ADAM7: variants seen among roughly 807,000 people sequenced by gnomAD.
ADAM7 encodes disintegrin and metalloproteinase domain-containing protein 7.
In ADAM7, 97 loss-of-function variants were observed where a neutral mutation model predicts 102.9. The observed-to-expected ratio is 0.94, with a 90% CI of 0.80 to 1.12. ADAM7 has a LOEUF of 1.12. Ranked by LOEUF, ADAM7 falls within the 50% of genes most tolerant of loss-of-function variation. The pLI is 0.00. For synonymous variants in ADAM7, 334 were observed against 304.4 expected (o/e 1.10, Z -1.01); for missense variants, 991 against 908.7 (o/e 1.09, Z -1.16).
rs192885647 is a variant in ADAM7, at chr8:24,508,843, A to C, written c.*297A>C. On this transcript the variant is annotated 3_prime_UTR_variant, in exon 22 of 22. Coordinates refer to ENST00000175238, the MANE Select transcript of ADAM7 (RefSeq NM_003817.4). ...CCTTGCTGTAGTATTTTCCTACAAAATGTTACTCTGCTTTCTTTTAAGAAT... is the reference window on the plus strand; with the variant it reads ...CCTTGCTGTAGTATTTTCCTACAAACTGTTACTCTGCTTTCTTTTAAGAAT... 5.8e-6 allele frequency: 7 copies of C among 1,207,878 alleles called. No individual in the cohort carries two copies. Among genetic ancestry groups the C allele is most frequent in the African/African-American group, 3.1e-5 (2 of 64,092 alleles). 74.8% of individuals were successfully genotyped at this position (1,207,878 alleles called of 1,614,324 possible).
At chr8:24,479,171 C>A (rs999062738) in intron 8 of ADAM7, among the ~76,000 whole-genome samples, 3 of 152,074 alleles carry the variant, frequency 2.0e-5, no homozygotes, top group African/African-American at 7.2e-5. Flanking sequence ...TTCCTCAGTG[C>A]CTTCTAGCCT....
At chr8:24,498,060 A>C (rs1467540508) in intron 16 of ADAM7, among the ~76,000 whole-genome samples, 1 of 152,030 alleles carries the variant, frequency 6.6e-6, no homozygotes, top group African/African-American at 2.4e-5. Flanking sequence ...TGAAAAGAAA[A>C]ATAGTCAAGA....
At chr8:24,501,203 G>T (rs933883910) in intron 19 of ADAM7, among the ~76,000 whole-genome samples, 1 of 152,084 alleles carries the variant, frequency 6.6e-6, no homozygotes. Context: ...TCTTGTAGAT[G>T]ATTTAATTTT....
At chr8:24,477,243 A>G (rs1179892976) in intron 8 of ADAM7, among the ~76,000 whole-genome samples, 1 of 152,194 alleles carries the variant, frequency 6.6e-6, no homozygotes, top group East Asian at 1.9e-4. Flanking sequence ...GGTCATATGG[A>G]AAGTGTATGC....
intron 3 of ADAM7, among the ~76,000 whole-genome samples, chr8:24,458,485 A>T (rs1380142439): frequency 6.6e-6 from 1 of 152,134 alleles, no homozygotes; most frequent in Admixed American, 6.6e-5. Context: ...TAAAAGCAAA[A>T]TGGATTATTT....
At chr8:24,495,143 G>A (rs527673378) in intron 16 of ADAM7, among the ~76,000 whole-genome samples, 2 of 152,246 alleles carry the variant, frequency 1.3e-5, no homozygotes, top group Admixed American at 6.5e-5. Context: ...TTCCATAACA[G>A]GAATGGTTTT....
At chr8:24,452,534 CTA>C (rs1818838746) in intron 3 of ADAM7, among the ~76,000 whole-genome samples, 1 of 151,812 alleles carries the variant, frequency 6.6e-6, no homozygotes, top group South Asian at 2.1e-4. Context: ...TATTTTGAGC[CTA>C]TGTGTGTCTC....
chr8:24,487,763 G>C (rs1041479992), intron 11 of ADAM7, among the ~76,000 whole-genome samples: 1 of 152,086 alleles, frequency 6.6e-6, no homozygotes, highest in Admixed American at 6.6e-5. Context: ...CCATAACTAG[G>C]CGTGGCAGTT....
intron 3 of ADAM7, among the ~76,000 whole-genome samples, chr8:24,458,219 C>A (rs1460744935): frequency 1.3e-5 from 2 of 152,010 alleles, no homozygotes; most frequent in African/African-American, 2.4e-5. Flanking sequence ...ATTAAAAGGC[C>A]CGCTGCAATT....
intron 1 of ADAM7, among the ~76,000 whole-genome samples, chr8:24,441,598 C>G (rs1818374941): frequency 6.6e-6 from 1 of 152,180 alleles, no homozygotes; most frequent in Non-Finnish European, 1.5e-5. Flanking sequence ...CCCATGCCCT[C>G]TCCTTTTTAT....
In ADAM7 at chr8:24,463,922, A is replaced by G; in HGVS notation, c.274A>G (p.Met92Val). 1 of 1,613,852 alleles carries G rather than the reference A, an allele frequency of 6.2e-7. No individual in the cohort carries two copies. The highest frequency in any genetic ancestry group is 8.5e-7 in the Non-Finnish European group (1 of 1,179,850). ...GSNYSETFYSMKGEAFTRHPQ... is the reference protein window; with the variant it reads ...GSNYSETFYSVKGEAFTRHPQ... ...AAATTACAGTGAAACATTCTACTCC[A>G]TGAAAGGAGAAGCGTTCACCAGGCA... Residue 92 changes from methionine to valine, a missense_variant, in exon 4 of 22, where the codon ATG (methionine) becomes GTG (valine). By Grantham distance (21) the Met-to-Val change is conservative. Transcript: ENST00000175238.
intron 3 of ADAM7, among the ~76,000 whole-genome samples, chr8:24,450,364 A>C (rs1818735220): frequency 6.6e-6 from 1 of 152,076 alleles, no homozygotes; most frequent in East Asian, 1.9e-4. Flanking sequence ...GAGGTCCTTC[A>C]CGTCCCTTGT....
chr8:24,462,736 T>C (rs937925142), intron 3 of ADAM7, among the ~76,000 whole-genome samples: 2 of 152,232 alleles, frequency 1.3e-5, no homozygotes, highest in Non-Finnish European at 2.9e-5. Context: ...TAAACATTAG[T>C]TCACCATTTA....
intron 2 of ADAM7, among the ~76,000 whole-genome samples, chr8:24,444,365 G>A (rs112781976): frequency 0.044 from 6,659 of 151,866 alleles, 205 homozygotes; most frequent in African/African-American, 0.059. Flanking sequence ...TCCTCTCCAG[G>A]GGGTGGAACC....
intron 3 of ADAM7, among the ~76,000 whole-genome samples, chr8:24,453,635 C>A (rs572954231): frequency 1.3e-5 from 2 of 152,208 alleles, no homozygotes; most frequent in Admixed American, 6.5e-5. Context: ...TCGTCTGAAG[C>A]CTTCTTCTCT....
Position 24,496,428 on chromosome 8 carries a change from C to A in ADAM7, c.1843-2808C>A, listed in dbSNP as rs1378609614. 2.0e-5 allele frequency among the ~76,000 whole-genome samples: 3 copies of A among 152,298 alleles called. No homozygotes were observed. The East Asian group carries it at 5.8e-4, about 29-fold the overall frequency. On this transcript the variant is annotated intron_variant, in intron 16 of 21. Coordinates refer to ENST00000175238, the MANE Select transcript of ADAM7 (RefSeq NM_003817.4). ...CCTAGTGGAGCTGTAAGAAGAGGGC[C>A]AATGTCCTCCAGACCCTGGAATGGT...
At chr8:24,474,248 TA>T (rs1310682827) in intron 7 of ADAM7, among the ~76,000 whole-genome samples, 1 of 152,178 alleles carries the variant, frequency 6.6e-6, no homozygotes, top group African/African-American at 2.4e-5. Context: ...TTCTAAGCAC[TA>T]AACAGATAGG....
chr8:24,487,371 G>C, intron 11 of ADAM7, 54 bp downstream of exon 11: 1 of 1,579,338 alleles, frequency 6.3e-7, no homozygotes. Context: ...AGTGGGCTGG[G>C]CATGGTGGCT....
At chr8:24,461,495 C>T (rs1181078773) in intron 3 of ADAM7, among the ~76,000 whole-genome samples, 3 of 152,294 alleles carry the variant, frequency 2.0e-5, no homozygotes, top group Admixed American at 6.5e-5. Context: ...GTGTGACTTT[C>T]TTCTCGTAAA....
Sources: allele counts gnomAD v4.1 joint callset (sites outside exome capture counted in the v4.1 genomes callset), GRCh38; gene constraint gnomAD v4.1.1; transcripts MANE v1.5; gene names NCBI Gene and HGNC (gene_info 2026-07-23, HGNC 2026-07-21).